Variants in ERCC6 observed in about 807,000 individuals in gnomAD.
ERCC6 encodes DNA excision repair protein ERCC-6.
Under a neutral mutation model 158.7 loss-of-function variants are expected in ERCC6, and 116 were observed. The ratio of observed to expected loss-of-function variants is 0.73; its 90% CI spans 0.63 to 0.85. ERCC6 has a LOEUF of 0.85. Among genes scored for constraint, ERCC6 ranks in the 40% least tolerant of loss-of-function variants. The pLI, the probability that ERCC6 is intolerant of heterozygous loss-of-function variation, is 0.00. For synonymous variants in ERCC6, 678 were observed against 659.3 expected (o/e 1.03, Z -0.43); for missense variants, 1,698 against 1,799.4 (o/e 0.94, Z 1.02).
chr10:49,467,314 T>C (rs1006205234), intron 18 of ERCC6, among the ~76,000 whole-genome samples: 14 of 152,320 alleles, frequency 9.2e-5, no homozygotes, highest in Non-Finnish European at 1.8e-4. Context: ...TCCAAAGTGA[T>C]TGTGCCATTT....
chr10:49,464,962 C>T (rs2132530866), intron 18 of ERCC6, among the ~76,000 whole-genome samples: 1 of 152,292 alleles, frequency 6.6e-6, no homozygotes, highest in Admixed American at 6.5e-5. Flanking sequence ...ACACAGAGTC[C>T]CTACTGGGGC....
In ERCC6 at chr10:49,456,478, T is replaced by A. The variant is rs557944846; in HGVS notation, c.*2337A>T. 6.6e-6 allele frequency: 1 copy of A among 152,136 alleles called. No individual in the cohort carries two copies. The highest frequency in any genetic ancestry group is 2.1e-4 in the South Asian group (1 of 4,828). 9.4% of individuals were successfully genotyped at this position (152,136 alleles called of 1,614,324 possible). A position where few individuals can be genotyped will look rare whatever the true frequency, so the allele number is the denominator to read the frequency against. On this transcript the variant is annotated 3_prime_UTR_variant, in exon 21 of 21. Coordinates refer to ENST00000355832, the MANE Select transcript of ERCC6 (RefSeq NM_000124.4). The stretch of plus-strand genomic sequence containing the variant: ...AAAAATTTTATTAGTAAAGGAAGAA[T>A]GGGAAAATGACATTATAGCAGCAGT...
Position 49,524,552 on chromosome 10 carries a change from C to G in ERCC6, c.878G>C (p.Arg293Thr). 1 of 1,614,216 alleles carries G rather than the reference C, an allele frequency of 6.2e-7. No homozygotes were observed. Among genetic ancestry groups the G allele is most frequent in the Middle Eastern group, 1.6e-4 (1 of 6,062 alleles). The change falls in exon 5 of 21, where the codon AGA becomes ACA. Residue 293 changes from arginine (R) to threonine (T), a missense_variant. By Grantham distance (71) the Arg-to-Thr change is moderately conservative. Transcript: ENST00000355832. ...TGGGGCTGGAGCTTTTCTAGCTGCT[C>G]TTTTATTACAACCTTGCTTCTTCCT... ...FERKKQGCNK[R>T]AARKAPAPVT...
rs1176295603 is a variant in ERCC6, at chr10:49,460,560, G to A, written c.3984-109C>T. The A allele has an allele frequency of 6.3e-6, 5 of 795,052 alleles. No homozygotes were observed. In the East Asian group the frequency reaches 7.6e-5, roughly 12 times the overall value. The allele number at this position is 795,052 out of a possible 1,614,324, so 49.2% of individuals were successfully genotyped here. ...TTCCTGGAAACATTTCCATCTGCAT[G>A]CTTATTCTTTCACAGCCATGCCATT... On this transcript the variant is annotated intron_variant, in intron 19 of 20. Coordinates refer to ENST00000355832, the MANE Select transcript of ERCC6 (RefSeq NM_000124.4).
chr10:49,477,336 C>T (rs1431791062), intron 11 of ERCC6, among the ~76,000 whole-genome samples: 2 of 152,136 alleles, frequency 1.3e-5, no homozygotes, highest in African/African-American at 2.4e-5. Context: ...AACCCTTCCA[C>T]CTCTGCACTG....
chr10:49,494,364 AATATC>A (rs1436779919), intron 7 of ERCC6, among the ~76,000 whole-genome samples: 1 of 152,258 alleles, frequency 6.6e-6, no homozygotes, highest in Non-Finnish European at 1.5e-5. Context: ...AATAAGATGG[AATATC>A]ATATAACTAT....
chr10:49,515,078 A>G (rs1025213645), intron 5 of ERCC6: 1 of 673,326 alleles, frequency 1.5e-6, no homozygotes, highest in Non-Finnish European at 2.1e-6. Context: ...TTGTTATTTA[A>G]AAGAAGGCAA....
chr10:49,495,667 T>G (rs1236197727), intron 7 of ERCC6, among the ~76,000 whole-genome samples: 2 of 152,010 alleles, frequency 1.3e-5, no homozygotes, highest in Non-Finnish European at 2.9e-5. Context: ...TGGAAAGAAT[T>G]TTGTCCCACT....
chr10:49,533,264 G>C (rs1837516068), intron 1 of ERCC6, among the ~76,000 whole-genome samples: 1 of 152,176 alleles, frequency 6.6e-6, no homozygotes, highest in Non-Finnish European at 1.5e-5. Context: ...TGGGGTGATG[G>C]CCATGGAATA....
chr10:49,515,518 G>A, intron 5 of ERCC6: 1 of 1,614,036 alleles, frequency 6.2e-7, no homozygotes, highest in Non-Finnish European at 8.5e-7. Flanking sequence ...TTTTGGCCAG[G>A]TTCTGGAGGA....
At chr10:49,492,956 C>T (rs1036075532) in intron 8 of ERCC6, among the ~76,000 whole-genome samples, 161 bp downstream of exon 8, 1 of 152,006 alleles carries the variant, frequency 6.6e-6, no homozygotes, top group African/African-American at 2.4e-5. Flanking sequence ...GTTCTGAAAA[C>T]ACAGAGCTCT....
chr10:49,530,901 A>T (rs1376570979), intron 2 of ERCC6, 61 bp from the exon 3 acceptor site: 3 of 1,593,672 alleles, frequency 1.9e-6, no homozygotes, highest in Non-Finnish European at 1.7e-6. Context: ...GCATAATATA[A>T]AGAGAAAAAT....
chr10:49,522,302 A>G (rs1227556675), intron 5 of ERCC6, among the ~76,000 whole-genome samples: 1 of 152,186 alleles, frequency 6.6e-6, no homozygotes, highest in African/African-American at 2.4e-5. Flanking sequence ...CTCAATCCTG[A>G]GCATTTTATT....
the ERCC6 span, among the ~76,000 whole-genome samples, chr10:49,443,165 G>A: frequency 6.6e-6 from 1 of 152,126 alleles, no homozygotes; most frequent in African/African-American, 2.4e-5. Flanking sequence ...ACTTCTGAAA[G>A]AACCTTTTGC....
Position 49,456,748 on chromosome 10 carries a change from A to G in ERCC6, c.*2067T>C, listed in dbSNP as rs1370048874. 6.6e-6 allele frequency: 1 copy of G among 152,250 alleles called. No individual in the cohort carries two copies. Among genetic ancestry groups the G allele is most frequent in the Non-Finnish European group, 1.5e-5 (1 of 68,044 alleles). 9.4% of individuals were successfully genotyped at this position (152,250 alleles called of 1,614,324 possible). On this transcript the variant is annotated 3_prime_UTR_variant, in exon 21 of 21. Transcript: ENST00000355832. ...GTACAAAGCTTTTAAAGTTCTAAAA[A>G]TCAGATTTTTATCTAAATGAATAAA...
intron 1 of ERCC6, among the ~76,000 whole-genome samples, chr10:49,534,144 A>AC (rs1291522240): frequency 2.5e-4 from 37 of 148,638 alleles, no homozygotes; most frequent in Middle Eastern, 3.2e-3. Flanking sequence ...AAAAAAAAAA[A>AC]AAAAAAAAAA....
chr10:49,483,327 T>C lies in ERCC6; in HGVS notation c.1992+19A>G, dbSNP rs773221500. Reference sequence around the variant, plus strand: ...ATTCTTCTCCACTTGGAAATCTCCCTTGTTAAAAGAGGTCATACCTGTTTG... The same window carrying C: ...ATTCTTCTCCACTTGGAAATCTCCCCTGTTAAAAGAGGTCATACCTGTTTG... On this transcript the variant is annotated intron_variant, in intron 9 of 20. Coordinates refer to ENST00000355832, the MANE Select transcript of ERCC6 (RefSeq NM_000124.4). 5.6e-6 allele frequency: 9 copies of C among 1,613,404 alleles called. No individual in the cohort carries two copies. The highest frequency in any genetic ancestry group is 7.6e-6 in the Non-Finnish European group (9 of 1,179,364).
At chr10:49,452,391 C>A (rs935417499), downstream of ERCC6, among the ~76,000 whole-genome samples, 2 of 151,886 alleles carry the variant, frequency 1.3e-5, no homozygotes, top group African/African-American at 4.8e-5. Context: ...ATTGTGAGTT[C>A]TTCAAATGTT....
intron 20 of ERCC6, 70 bp downstream of exon 20, chr10:49,460,303 C>A: frequency 9.3e-7 from 1 of 1,069,654 alleles, no homozygotes; most frequent in South Asian, 1.3e-5. Context: ...CATCCAGAAT[C>A]AGGTGAAATT....
Sources: allele counts gnomAD v4.1 joint callset (sites outside exome capture counted in the v4.1 genomes callset), GRCh38; gene constraint gnomAD v4.1.1; transcripts MANE v1.5; gene names NCBI Gene and HGNC (gene_info 2026-07-23, HGNC 2026-07-21).